The following MAGI2 variants were observed in gnomAD, a reference collection of about 807,000 sequenced individuals.
MAGI2 encodes the protein membrane-associated guanylate kinase, WW and PDZ domain-containing protein 2.
A neutral mutation model predicts 133.3 loss-of-function variants in MAGI2; 35 were observed. That is an observed-to-expected ratio of 0.26 (90% CI 0.20 to 0.35). The LOEUF (loss-of-function observed/expected upper bound fraction) is 0.35, where lower values mean the gene tolerates loss of function less well. Among genes scored for constraint, MAGI2 ranks in the 10% least tolerant of loss-of-function variants. The pLI is 1.00. For synonymous variants in MAGI2, 729 were observed against 710.6 expected, an observed-to-expected ratio of 1.03 and a Z score of -0.41; for missense variants, 1,636 against 1,863.4, an observed-to-expected ratio of 0.88 and a Z score of 2.25.
intron 10 of MAGI2, among the ~76,000 whole-genome samples, chr7:78,232,197 CTGTT>C (rs1466213060): frequency 6.6e-6 from 1 of 152,182 alleles, no homozygotes; most frequent in African/African-American, 2.4e-5. Flanking sequence ...TAGCTAAACA[CTGTT>C]TGCTAGACAC....
intron 2 of MAGI2, among the ~76,000 whole-genome samples, chr7:78,771,730 T>A (rs1270275911): frequency 6.6e-6 from 1 of 151,880 alleles, no homozygotes; most frequent in Non-Finnish European, 1.5e-5. Flanking sequence ...TTTAAACTTA[T>A]CTTGAAGTTA....
rs753597009 is a variant in MAGI2 at position 78,078,960 on chromosome 7, C to T, written c.3693G>A (p.Gln1231=). The T allele has an allele frequency of 1.2e-6, 2 of 1,613,478 alleles. No homozygotes were observed. The highest frequency in any genetic ancestry group is 1.7e-6 in the Non-Finnish European group (2 of 1,179,896). The change falls in exon 21 of 22, where the codon CAG becomes CAA. Residue 1231 remains glutamine (Q), a synonymous_variant. Coordinates refer to ENST00000354212, the MANE Select transcript of MAGI2 (RefSeq NM_012301.4). ...CGTGAAACGTACCATATTCTGGGAC[C>T]TGTCCCGTGCCTCTCTTGAGCAGCA... is the stretch of plus-strand genomic sequence containing the variant. ...VRLLLKRGTG[Q]VPEYDEPAPW... is the part of the protein sequence containing the mutation.
At chr7:78,191,619 G>A (rs1261290784) in intron 12 of MAGI2, among the ~76,000 whole-genome samples, 3 of 152,188 alleles carry the variant, frequency 2.0e-5, no homozygotes, top group Admixed American at 1.3e-4. Context: ...TCTGGGCACT[G>A]AGCCTAATGC....
intron 9 of MAGI2, among the ~76,000 whole-genome samples, chr7:78,321,473 A>G (rs1386589091): frequency 6.6e-6 from 1 of 152,186 alleles, no homozygotes; most frequent in African/African-American, 2.4e-5. Flanking sequence ...CCACATATCT[A>G]CAACCATCTG....
At chr7:78,250,049 G>C (rs573844315) in intron 10 of MAGI2, among the ~76,000 whole-genome samples, 1 of 151,882 alleles carries the variant, frequency 6.6e-6, no homozygotes, top group South Asian at 2.1e-4. Flanking sequence ...ATATCCATTA[G>C]CTTTAGTGGG....
intron 2 of MAGI2, among the ~76,000 whole-genome samples, chr7:78,770,280 G>T (rs900479024): frequency 4.6e-5 from 7 of 152,058 alleles, no homozygotes; most frequent in Admixed American, 1.3e-4. Context: ...CCCCAAACCA[G>T]GTCCCCATAA....
intron 6 of MAGI2, among the ~76,000 whole-genome samples, chr7:78,382,044 T>C (rs1794968891): frequency 6.6e-6 from 1 of 152,170 alleles, no homozygotes; most frequent in Non-Finnish European, 1.5e-5. Context: ...ACAATCTAAA[T>C]ACCCAACCAG....
At chr7:79,138,474 G>C (rs1345042396) in intron 1 of MAGI2, among the ~76,000 whole-genome samples, 1 of 152,158 alleles carries the variant, frequency 6.6e-6, no homozygotes, top group Non-Finnish European at 1.5e-5. Flanking sequence ...ATACAAGAGT[G>C]ATTAGGAAAG....
At chr7:78,997,126 G>A (rs1236868388) in intron 2 of MAGI2, among the ~76,000 whole-genome samples, 2 of 152,162 alleles carry the variant, frequency 1.3e-5, no homozygotes, top group Admixed American at 1.3e-4. Flanking sequence ...GCATACAAGT[G>A]GGTCTTGTTG....
At chr7:78,296,843 T>C (rs1392354570) in intron 9 of MAGI2, among the ~76,000 whole-genome samples, 1 of 152,166 alleles carries the variant, frequency 6.6e-6, no homozygotes, top group East Asian at 1.9e-4. Context: ...CAAACAACCC[T>C]GAACAGCTCA....
chr7:79,085,786 T>C (rs1816432153), intron 1 of MAGI2, among the ~76,000 whole-genome samples: 1 of 151,888 alleles, frequency 6.6e-6, no homozygotes, highest in African/African-American at 2.4e-5. Context: ...TGTCGGCCAA[T>C]GCTTGGACAC....
chr7:78,890,723 A>C (rs1249870600), intron 2 of MAGI2, among the ~76,000 whole-genome samples: 1 of 152,196 alleles, frequency 6.6e-6, no homozygotes, highest in African/African-American at 2.4e-5. Flanking sequence ...GACACATTCA[A>C]AGCAGTGTGT....
At chr7:78,692,906 G>A (rs915409670) in intron 2 of MAGI2, among the ~76,000 whole-genome samples, 7 of 151,970 alleles carry the variant, frequency 4.6e-5, no homozygotes, top group South Asian at 2.1e-4. Flanking sequence ...TTCTTTCACC[G>A]AACTAAAGAA....
At chr7:78,180,671 G>T (rs1827104590) in intron 13 of MAGI2, among the ~76,000 whole-genome samples, 1 of 152,106 alleles carries the variant, frequency 6.6e-6, no homozygotes, top group South Asian at 2.1e-4. Flanking sequence ...ACATAGGGTG[G>T]TATGTGCCAG....
intron 1 of MAGI2, among the ~76,000 whole-genome samples, chr7:79,317,261 T>C (rs1021075640): frequency 2.6e-4 from 40 of 152,064 alleles, no homozygotes; most frequent in Non-Finnish European, 8.8e-5. Context: ...TGACCTCAGG[T>C]GATCTGCCTG....
chr7:78,521,493 G>T lies in MAGI2; in HGVS notation c.691C>A (p.Pro231Thr). 2 of 1,614,010 alleles carry T rather than the reference G, an allele frequency of 1.2e-6. No homozygotes were observed. Among genetic ancestry groups the T allele is most frequent in the Non-Finnish European group, 1.7e-6 (2 of 1,180,000 alleles). ...VSNMEKASIE[P>T]PEEEEEERPV... Reference sequence around the variant, plus strand: ...CTCTCTTCCTCTTCCTCCTCAGGAGGCTCTATACTGGCTTTCTCCATGTTG... The same window carrying T: ...CTCTCTTCCTCTTCCTCCTCAGGAGTCTCTATACTGGCTTTCTCCATGTTG... Residue 231 changes from proline (P) to threonine (T), a missense_variant, in exon 4 of 22, where the codon CCT (proline) becomes ACT (threonine). By Grantham distance (38) the Pro-to-Thr change is conservative (BLOSUM62 -1). This residue lies in a region of MAGI2 where 165 missense variants were observed against 128.4 expected (regional missense o/e 1.28). Transcript: ENST00000354212.
Position 78,019,589 on chromosome 7 carries a change from C to G in MAGI2, c.4094G>C (p.Gly1365Ala), listed in dbSNP as rs867188532. 1 of 980,688 alleles carries G rather than the reference C, an allele frequency of 1.0e-6. No individual in the cohort carries two copies. Among genetic ancestry groups the G allele is most frequent in the Non-Finnish European group, 1.2e-6 (1 of 828,432 alleles). The allele number at this position is 980,688 out of a possible 1,614,324, so 60.7% of individuals were successfully genotyped here. A position where few individuals can be genotyped will look rare whatever the true frequency, so the allele number is the denominator to read the frequency against. Residue 1365 changes from glycine (G) to alanine (A), a missense_variant, in exon 22 of 22, where the codon GGG becomes GCG. Gly to Ala is a moderately conservative substitution (Grantham distance 60). Transcript: ENST00000354212. ...ADAADAARAG[G>A]KEAPRAAAGS... The stretch of plus-strand genomic sequence containing the variant: ...CGCCGCCGCACGGGGCGCCTCCTTC[C>G]CGCCCGCCCGCGCCGCGTCCGCCGC...
intron 1 of MAGI2, among the ~76,000 whole-genome samples, chr7:79,323,326 G>C (rs957137174): frequency 6.6e-6 from 1 of 152,158 alleles, no homozygotes; most frequent in Non-Finnish European, 1.5e-5. Context: ...TCTATGACAA[G>C]GTGGTAGAAA....
chr7:79,347,298 A>G (rs1841393033), intron 1 of MAGI2, among the ~76,000 whole-genome samples: 1 of 151,980 alleles, frequency 6.6e-6, no homozygotes, highest in South Asian at 2.1e-4. Context: ...TTATAATTTT[A>G]TTAAATTATG....
Sources: gnomAD v4.1 joint callset for allele counts (sites outside exome capture counted in the v4.1 genomes callset) on GRCh38, gnomAD v4.1.1 for gene constraint, gnomAD v4.1.1 regional missense constraint, MANE v1.5 for transcripts, NCBI Gene and HGNC (gene_info 2026-07-23, HGNC 2026-07-21) for gene names.